Variants in PCDHGA9 observed in about 807,000 individuals in gnomAD.
PCDHGA9 encodes the protein protocadherin gamma subfamily A, 9, also known as protocadherin gamma-A9.
PCDHGA9 carries 37 observed loss-of-function variants against 62.5 expected under a neutral mutation model. The ratio of observed to expected loss-of-function variants is 0.59; its 90% CI spans 0.46 to 0.78. The LOEUF is 0.78. PCDHGA9 is among the 30% of genes least tolerant of loss of function. The pLI is 0.00. For synonymous variants in PCDHGA9, 459 were observed against 484.6 expected, an observed-to-expected ratio of 0.95 and a Z score of 0.69; for missense variants, 1,138 against 1,166.2, an observed-to-expected ratio of 0.98 and a Z score of 0.35.
rs775299266 is a variant in PCDHGA9, at chr5:141,432,192, AC to A, written c.2424+26820del. On this transcript the variant is annotated intron_variant, in intron 1 of 3. Transcript: ENST00000573521. The surrounding 1 kb of genome is among the most constrained non-coding windows in gnomAD (Gnocchi z 6.0). ...TCCCTCGTCTCTGTGACCGCCCACG[AC>A]CCCGACTGTGAAGAGAACGCCCAGA... 5 of 1,613,812 alleles carry A rather than the reference AC, an allele frequency of 3.1e-6. No individual in the cohort carries two copies. Among genetic ancestry groups the A allele is most frequent in the Non-Finnish European group, 4.2e-6 (5 of 1,179,996 alleles).
intron 1 of PCDHGA9, chr5:141,409,901 C>T (rs1157563397): frequency 6.2e-7 from 1 of 1,613,264 alleles, no homozygotes; most frequent in East Asian, 2.2e-5. Flanking sequence ...GTACCCAGCT[C>T]TGGGTCCTGA....
intron 2 of PCDHGA9, among the ~76,000 whole-genome samples, chr5:141,498,114 G>C (rs1336064850): frequency 6.6e-6 from 1 of 152,196 alleles, no homozygotes; most frequent in East Asian, 1.9e-4. Flanking sequence ...CGTATAATAG[G>C]GATTTGATTT....
Position 141,490,575 on chromosome 5 carries a change from A to G in PCDHGA9, c.2425-4232A>G. 2 of 1,614,140 alleles carry G rather than the reference A, an allele frequency of 1.2e-6. No individual in the cohort carries two copies. The highest frequency in any genetic ancestry group is 2.2e-5 in the East Asian group (1 of 44,876). Reference sequence around the variant, plus strand: ...ATCTCACCATCAGGCTCAACATTTCAGATGTCAATGACAATGCACCCCGCT... The same window carrying G: ...ATCTCACCATCAGGCTCAACATTTCGGATGTCAATGACAATGCACCCCGCT... On this transcript the variant is annotated intron_variant, in intron 1 of 3. Transcript: ENST00000573521. This position sits in a 1 kb window ranked among gnomAD's most constrained non-coding sequence, Gnocchi z 5.4.
intron 2 of PCDHGA9, among the ~76,000 whole-genome samples, chr5:141,504,799 C>A (rs1474096570): frequency 6.6e-6 from 1 of 151,994 alleles, no homozygotes; most frequent in African/African-American, 2.4e-5. Context: ...CCTACATCTC[C>A]CCCTAGGTAC....
chr5:141,487,623 C>T lies in PCDHGA9; in HGVS notation c.2425-7184C>T, dbSNP rs2099654624. On this transcript the variant is annotated intron_variant, in intron 1 of 3. Coordinates refer to ENST00000573521, the MANE Select transcript of PCDHGA9 (RefSeq NM_018921.3). This position sits in a 1 kb window ranked among gnomAD's most constrained non-coding sequence, Gnocchi z 5.0. The stretch of plus-strand genomic sequence containing the variant: ...CTTCTCTATGGGCTAGAGGTGAGAC[C>T]TTTGCAGGCTCAACAAATGCTTGAG... 6.2e-7 allele frequency: 1 copy of T among 1,614,088 alleles called. No individual in the cohort carries two copies. The highest frequency in any genetic ancestry group is 1.3e-5 in the African/African-American group (1 of 74,930).
intron 1 of PCDHGA9, chr5:141,418,495 G>T (rs745982190): frequency 6.2e-7 from 1 of 1,613,974 alleles, no homozygotes; most frequent in South Asian, 1.1e-5. Context: ...ACTTGGTACT[G>T]ACCGCCTTAG....
intron 2 of PCDHGA9, among the ~76,000 whole-genome samples, chr5:141,503,611 A>AG (rs992110793): frequency 6.6e-6 from 1 of 151,948 alleles, no homozygotes; most frequent in Non-Finnish European, 1.5e-5. Flanking sequence ...AAAAAAAAAA[A>AG]AAAGAAAAAA....
rs1390441638 is a variant in PCDHGA9, at chr5:141,432,562, C to T, written c.2424+27186C>T. 1.9e-6 allele frequency: 3 copies of T among 1,613,964 alleles called. No individual in the cohort carries two copies. Among genetic ancestry groups the T allele is most frequent in the Non-Finnish European group, 2.5e-6 (3 of 1,180,004 alleles). On this transcript the variant is annotated intron_variant, in intron 1 of 3. Coordinates refer to ENST00000573521, the MANE Select transcript of PCDHGA9 (RefSeq NM_018921.3). This position sits in a 1 kb window ranked among gnomAD's most constrained non-coding sequence, Gnocchi z 6.0. ...CGGTGGACAGAGACTCCGGCCAGAA[C>T]GCCTGGCTGTCCTACCGTCTGCTCA...
chr5:141,438,591 C>CATATATATATAT (rs946798767), intron 1 of PCDHGA9, among the ~76,000 whole-genome samples: 3 of 75,560 alleles, frequency 4.0e-5, no homozygotes, highest in Non-Finnish European at 5.4e-5. Flanking sequence ...TACATACATA[C>CATATATATATAT]ATATATATAT....
At chr5:141,455,690 C>T (rs1209152869) in intron 1 of PCDHGA9, among the ~76,000 whole-genome samples, 1 of 152,064 alleles carries the variant, frequency 6.6e-6, no homozygotes, top group Non-Finnish European at 1.5e-5. Context: ...CTGTGGGAAT[C>T]GCCAAGTTGA....
At chr5:141,507,262 G>A (rs1294679320) in intron 3 of PCDHGA9, 6 of 151,748 alleles carry the variant, frequency 4.0e-5, no homozygotes, top group Non-Finnish European at 8.8e-5. Flanking sequence ...TAAACAGCAA[G>A]TACTATTTCA....
At position 141,432,707 on chromosome 5, in the gene PCDHGA9, G is replaced by A. The variant is rs750859951; in HGVS notation, c.2424+27331G>A. ...CCTCGTAGTGGCCGTCCAGGACCAC[G>A]GCCAGCCCCCTCTCTCCGCCACTGT... On this transcript the variant is annotated intron_variant, in intron 1 of 3. Coordinates refer to ENST00000573521, the MANE Select transcript of PCDHGA9 (RefSeq NM_018921.3). The surrounding 1 kb of genome is among the most constrained non-coding windows in gnomAD (Gnocchi z 6.0). 5 of 1,613,988 alleles carry A rather than the reference G, an allele frequency of 3.1e-6. No individual in the cohort carries two copies. Among genetic ancestry groups the A allele is most frequent in the Non-Finnish European group, 4.2e-6 (5 of 1,179,970 alleles).
intron 1 of PCDHGA9, chr5:141,410,511 G>C (rs755576652): frequency 6.2e-7 from 1 of 1,613,824 alleles, no homozygotes; most frequent in Non-Finnish European, 8.5e-7. Flanking sequence ...CTAAAATGCA[G>C]TGTGCCCCTA....
rs1418195492 is a variant in PCDHGA9 at position 141,431,459 on chromosome 5, G to T, written c.2424+26083G>T. 4 of 1,613,692 alleles carry T rather than the reference G, an allele frequency of 2.5e-6. No homozygotes were observed. The highest frequency in any genetic ancestry group is 3.4e-6 in the Non-Finnish European group (4 of 1,179,994). Reference sequence around the variant, plus strand: ...CGCGCGCATCCGCGTGATGGTTCTGGATGCGAACGACAACGCACCAGCGTT... The same window carrying T: ...CGCGCGCATCCGCGTGATGGTTCTGTATGCGAACGACAACGCACCAGCGTT... On this transcript the variant is annotated intron_variant, in intron 1 of 3. Transcript: ENST00000573521. This position sits in a 1 kb window ranked among gnomAD's most constrained non-coding sequence, Gnocchi z 4.8.
Position 141,490,867 on chromosome 5 carries a change from C to G in PCDHGA9, c.2425-3940C>G. ...GGGGGTTCGAGACTCCGGCTCTCCC[C>G]CATTGCATGCCAACACATCTCTGCA... On this transcript the variant is annotated intron_variant, in intron 1 of 3. Coordinates refer to ENST00000573521, the MANE Select transcript of PCDHGA9 (RefSeq NM_018921.3). This position sits in a 1 kb window ranked among gnomAD's most constrained non-coding sequence, Gnocchi z 5.4. 6.2e-7 allele frequency: 1 copy of G among 1,613,912 alleles called. No individual in the cohort carries two copies. The highest frequency in any genetic ancestry group is 8.5e-7 in the Non-Finnish European group (1 of 1,179,936).
At chr5:141,411,045 T>G (rs1409162601) in intron 1 of PCDHGA9, 1 of 159,716 alleles carries the variant, frequency 6.3e-6, no homozygotes, top group Non-Finnish European at 1.4e-5. Flanking sequence ...AGACATGGGG[T>G]TTCACTATGT....
chr5:141,448,543 G>C (rs1001667281), intron 1 of PCDHGA9, among the ~76,000 whole-genome samples: 3 of 151,988 alleles, frequency 2.0e-5, no homozygotes, highest in Admixed American at 6.6e-5. Context: ...CATTTCTTAT[G>C]CAAATATGTA....
chr5:141,432,511 C>T lies in PCDHGA9; in HGVS notation c.2424+27135C>T. ...AGCTGGCTCCCCGCTCCGCAGAGCC[C>T]GGCTACCTGGTGACCAAGGTGGTGG... is the stretch of plus-strand genomic sequence containing the variant. On this transcript the variant is annotated intron_variant, in intron 1 of 3. Coordinates refer to ENST00000573521, the MANE Select transcript of PCDHGA9 (RefSeq NM_018921.3). This position sits in a 1 kb window ranked among gnomAD's most constrained non-coding sequence, Gnocchi z 6.0. 1 of 1,614,118 alleles carries T rather than the reference C, an allele frequency of 6.2e-7. No homozygotes were observed. The highest frequency in any genetic ancestry group is 8.5e-7 in the Non-Finnish European group (1 of 1,180,042).
chr5:141,426,719 A>G (rs776136674), intron 1 of PCDHGA9: 2 of 446,424 alleles, frequency 4.5e-6, no homozygotes, highest in Non-Finnish European at 9.1e-6. Context: ...ATGAACTAGC[A>G]ATTCCAGGCA....
Sources: gnomAD v4.1 joint callset for allele counts (sites outside exome capture counted in the v4.1 genomes callset) on GRCh38, gnomAD v4.1.1 for gene constraint, Gnocchi (gnomAD v3.1) non-coding constraint, MANE v1.5 for transcripts, NCBI Gene and HGNC (gene_info 2026-07-23, HGNC 2026-07-21) for gene names.